Variants in TENM2 observed in about 807,000 individuals in gnomAD.
TENM2 encodes teneurin transmembrane protein 2, also known as teneurin-2.
TENM2 carries 52 observed loss-of-function variants against 245.2 expected under a neutral mutation model. The observed-to-expected ratio is 0.21, with a 90% CI of 0.17 to 0.27. The LOEUF (loss-of-function observed/expected upper bound fraction) is 0.27, where lower values mean the gene tolerates loss of function less well. Among genes scored for constraint, TENM2 ranks in the 10% least tolerant of loss-of-function variants. The pLI is 1.00. For missense variants in TENM2, 3,046 were observed against 3,666.8 expected (o/e 0.83, Z 4.37); for synonymous variants, 1,363 against 1,438.9 (o/e 0.95, Z 1.19).
At chr5:168,133,966 C>T (rs915496554) in intron 12 of TENM2, among the ~76,000 whole-genome samples, 5 of 151,084 alleles carry the variant, frequency 3.3e-5, no homozygotes, top group African/African-American at 1.2e-4. Context: ...ACCAGCCTGG[C>T]CAATATGGTG....
At chr5:167,466,360 G>A (rs569825116) in intron 2 of TENM2, among the ~76,000 whole-genome samples, 1 of 152,190 alleles carries the variant, frequency 6.6e-6, no homozygotes, top group Non-Finnish European at 1.5e-5. Context: ...AGAGACACAT[G>A]TCATACCTAT....
At chr5:167,287,566 A>C (rs1385438765) in intron 1 of TENM2, 1 of 152,202 alleles carries the variant, frequency 6.6e-6, no homozygotes, top group Non-Finnish European at 1.5e-5. Flanking sequence ...CAGCCAGCAA[A>C]AGTGATGGGG....
At chr5:167,863,858 G>A (rs1348068531) in intron 2 of TENM2, among the ~76,000 whole-genome samples, 2 of 152,088 alleles carry the variant, frequency 1.3e-5, no homozygotes, top group East Asian at 1.9e-4. Flanking sequence ...CAGATACAAG[G>A]CAATGATGTT....
intron 5 of TENM2, among the ~76,000 whole-genome samples, chr5:167,996,719 T>G (rs187688132): frequency 6.0e-5 from 9 of 150,870 alleles, no homozygotes; most frequent in Admixed American, 4.6e-4. Context: ...TTGAATCACT[T>G]TTTGTTTGTT....
intron 2 of TENM2, among the ~76,000 whole-genome samples, chr5:167,446,101 T>TTCTATCCTATGAAATACA: frequency 6.6e-6 from 1 of 152,140 alleles, no homozygotes; most frequent in South Asian, 2.1e-4. Flanking sequence ...GGTAATCACT[T>TTCTATCCTATGAAATACA]GTTGGCAAAT....
Position 168,262,042 on chromosome 5 carries a change from C to G in TENM2, c.7564-7C>G. The G allele has an allele frequency of 6.2e-7, 1 of 1,607,288 alleles. No individual in the cohort carries two copies. Among genetic ancestry groups the G allele is most frequent in the Non-Finnish European group, 8.5e-7 (1 of 1,174,782 alleles). On this transcript the variant is annotated splice_region_variant and splice_polypyrimidine_tract_variant and intron_variant, in intron 28 of 28. Transcript: ENST00000518659. ...TCTCAGCTTTCTCTGTTTTCTTATC[C>G]CCACAGCTCATTACAGGTGTCCAAC...
intron 1 of TENM2, among the ~76,000 whole-genome samples, chr5:167,371,706 G>T (rs1760452994): frequency 6.6e-6 from 1 of 152,022 alleles, no homozygotes; most frequent in Non-Finnish European, 1.5e-5. Context: ...ATTGCACTTT[G>T]TTTATGTGAT....
chr5:168,091,255 A>G (rs560300460), intron 8 of TENM2, among the ~76,000 whole-genome samples: 1 of 152,362 alleles, frequency 6.6e-6, no homozygotes, highest in African/African-American at 2.4e-5. Context: ...GATTTTTAAA[A>G]AAACTTTAAA....
chr5:167,431,635 T>A (rs1764226085), intron 2 of TENM2, among the ~76,000 whole-genome samples: 1 of 151,956 alleles, frequency 6.6e-6, no homozygotes, highest in Non-Finnish European at 1.5e-5. Flanking sequence ...ATATGTATAC[T>A]TCCCTATCTA....
chr5:167,399,957 G>A (rs1257976981), intron 2 of TENM2, among the ~76,000 whole-genome samples: 4 of 152,042 alleles, frequency 2.6e-5, no homozygotes, highest in Admixed American at 2.6e-4. Flanking sequence ...GTATGATCGG[G>A]AAATAAAGAA....
intron 9 of TENM2, among the ~76,000 whole-genome samples, chr5:168,114,043 G>C (rs192658860): frequency 1.3e-5 from 2 of 152,342 alleles, no homozygotes; most frequent in East Asian, 3.9e-4. Context: ...GTTTGTGTGT[G>C]CGTGTTTGAG....
At chr5:167,881,685 G>A (rs1445221490) in intron 3 of TENM2, among the ~76,000 whole-genome samples, 7 of 152,116 alleles carry the variant, frequency 4.6e-5, no homozygotes, top group African/African-American at 1.7e-4. Flanking sequence ...TGGCATCCAG[G>A]CAGAGGTTTG....
chr5:167,404,972 A>G (rs1168346914), intron 2 of TENM2, among the ~76,000 whole-genome samples: 4 of 152,130 alleles, frequency 2.6e-5, no homozygotes, highest in African/African-American at 9.6e-5. Context: ...AGCAGCATCC[A>G]TCAATCTACT....
chr5:167,261,545 G>C, the TENM2 span, among the ~76,000 whole-genome samples: 3 of 152,098 alleles, frequency 2.0e-5, no homozygotes, highest in African/African-American at 7.2e-5. Context: ...ACCCCTTCCA[G>C]GTGAAGACAG....
intron 25 of TENM2, among the ~76,000 whole-genome samples, chr5:168,237,676 A>T (rs190837089): frequency 1.2e-4 from 18 of 152,216 alleles, no homozygotes; most frequent in African/African-American, 4.3e-4. Flanking sequence ...TGGGGAATAC[A>T]TTATTTAATG....
At chr5:167,970,670 G>A (rs1326630702) in intron 4 of TENM2, among the ~76,000 whole-genome samples, 1 of 152,106 alleles carries the variant, frequency 6.6e-6, no homozygotes, top group Non-Finnish European at 1.5e-5. Flanking sequence ...CAGATTGCAG[G>A]GGTCAGATAG....
chr5:167,104,085 A>G, the TENM2 span, among the ~76,000 whole-genome samples: 1 of 152,018 alleles, frequency 6.6e-6, no homozygotes, highest in African/African-American at 2.4e-5. Context: ...AACCCAGTGC[A>G]AACTTCATTC....
chr5:167,929,545 A>G (rs1778122217), intron 3 of TENM2, among the ~76,000 whole-genome samples: 1 of 152,180 alleles, frequency 6.6e-6, no homozygotes, highest in African/African-American at 2.4e-5. Context: ...AAGGATAAGG[A>G]CTATATTTTA....
chr5:168,118,402 G>C (rs780213706), exon 10 of TENM2: 3 of 1,611,546 alleles, frequency 1.9e-6, no homozygotes, highest in Non-Finnish European at 2.5e-6. Context: ...TCAGTGCATC[G>C]ATCCTTCCTG....
Sources: gnomAD v4.1 joint callset for allele counts (sites outside exome capture counted in the v4.1 genomes callset) on GRCh38, gnomAD v4.1.1 for gene constraint, MANE v1.5 for transcripts, NCBI Gene and HGNC (gene_info 2026-07-23, HGNC 2026-07-21) for gene names.